The following UBN1 variants were observed in gnomAD, a reference collection of about 807,000 sequenced individuals.
UBN1 encodes the protein ubinuclein-1.
Under a neutral mutation model 108.5 loss-of-function variants are expected in UBN1, and 17 were observed. That is an observed-to-expected ratio of 0.16 (90% CI 0.11 to 0.24). The LOEUF (loss-of-function observed/expected upper bound fraction) is 0.24. Ranked by LOEUF, UBN1 falls within the 10% of genes least tolerant of loss-of-function variation. UBN1 has a pLI of 1.00. For synonymous variants in UBN1, 726 were observed against 564.2 expected, an observed-to-expected ratio of 1.29 and a Z score of -4.07; for missense variants, 1,595 against 1,394.4, an observed-to-expected ratio of 1.14 and a Z score of -2.29.
intron 7 of UBN1, among the ~76,000 whole-genome samples, chr16:4,864,075 CTTTTTTTTTTTTTT>C (rs796516323): frequency 1.2e-5 from 1 of 86,430 alleles, no homozygotes; most frequent in Non-Finnish European, 2.1e-5. Flanking sequence ...TTGTTGTTGC[CTTTTTTTTTTTTTT>C]TTTTTTTTTG....
At chr16:4,872,983 C>T in intron 13 of UBN1, 48 bp from the exon 14 acceptor site, 9 of 1,614,164 alleles carry the variant, frequency 5.6e-6, no homozygotes, top group African/African-American at 1.3e-5. Flanking sequence ...TGTTTTTGGT[C>T]TCCTCTGGAT....
chr16:4,870,851 G>A lies in UBN1; in HGVS notation c.1438G>A (p.Glu480Lys). Reference protein sequence around the residue: ...HTQAKVAKMLEEEKDKEQRDR... With the variant: ...HTQAKVAKMLKEEKDKEQRDR... ...ATTCTATTCACCCCGTAGGATGCTG[G>A]AAGAGGAGAAAGACAAGGAGCAGAG... is the stretch of plus-strand genomic sequence containing the variant. The change falls in exon 11 of 18, where the codon GAA becomes AAA. Residue 480 changes from glutamate (E) to lysine (K), a missense_variant. By Grantham distance (56) the Glu-to-Lys change is moderately conservative. Transcript: ENST00000262376. 1 of 1,613,940 alleles carries A rather than the reference G, an allele frequency of 6.2e-7. No individual in the cohort carries two copies. Among genetic ancestry groups the A allele is most frequent in the Non-Finnish European group, 8.5e-7 (1 of 1,179,918 alleles).
Position 4,877,328 on chromosome 16 carries a change from T to G in UBN1, c.3266-57T>G. On this transcript the variant is annotated intron_variant, in intron 16 of 17. Coordinates refer to ENST00000262376, the MANE Select transcript of UBN1 (RefSeq NM_001079514.3). This position sits in a 1 kb window ranked among gnomAD's most constrained non-coding sequence, Gnocchi z 4.3. ...CTTTTGGCTGCTGGAGCTGCTTTCC[T>G]GTTCCTGTCTTCAATGTGTGTGTTT... 6.4e-7 allele frequency: 1 copy of G among 1,570,722 alleles called. No homozygotes were observed. The highest frequency in any genetic ancestry group is 8.7e-7 in the Non-Finnish European group (1 of 1,154,058).
chr16:4,858,591 C>G lies in UBN1; in HGVS notation c.360C>G (p.Asp120Glu). The change falls in exon 4 of 18, where the codon GAC (aspartate) becomes GAG (glutamate). Residue 120 changes from aspartate to glutamate, a missense_variant. Asp to Glu is a conservative substitution (Grantham distance 45, BLOSUM62 2). Coordinates refer to ENST00000262376, the MANE Select transcript of UBN1 (RefSeq NM_001079514.3). ...EKYGGKKRRK[D>E]RIQDLIDMGY... ...AGGGTGGAAAGAAACGTAGAAAAGA[C>G]CGAATACAGGACTTGATCGATATGG... 6.2e-7 allele frequency: 1 copy of G among 1,614,104 alleles called. No homozygotes were observed.
rs758003504 is a variant in UBN1, at chr16:4,874,783, C to G, written c.2373C>G (p.His791Gln). Residue 791 changes from histidine to glutamine, a missense_variant, in exon 15 of 18, where the codon CAC becomes CAG. Transcript: ENST00000262376. ...AKHHSLPRTS[H>Q]GPQVAVPVPG... ...ACCACAGCTTGCCACGGACGTCTCA[C>G]GGGCCCCAAGTGGCAGTTCCTGTGC... is the stretch of plus-strand genomic sequence containing the variant. 19 of 1,614,088 alleles carry G rather than the reference C, an allele frequency of 1.2e-5. No individual in the cohort carries two copies. Among genetic ancestry groups the G allele is most frequent in the Non-Finnish European group, 1.6e-5 (19 of 1,180,028 alleles).
At chr16:4,869,369 G>C (rs1467098545) in intron 8 of UBN1, among the ~76,000 whole-genome samples, 1 of 152,234 alleles carries the variant, frequency 6.6e-6, no homozygotes, top group Non-Finnish European at 1.5e-5. Flanking sequence ...CCCTAATGCT[G>C]TTCCCACATG....
rs1349893954 is a variant in UBN1 at position 4,881,751 on chromosome 16, A to G, written c.*1619A>G. On this transcript the variant is annotated 3_prime_UTR_variant, in exon 18 of 18. Coordinates refer to ENST00000262376, the MANE Select transcript of UBN1 (RefSeq NM_001079514.3). The stretch of plus-strand genomic sequence containing the variant: ...GATTCCTTATCCCTTTGTTATATAT[A>G]TTTTTTGCAACTTGGATTTCCAGTT... The G allele has an allele frequency of 6.6e-6, 1 of 152,232 alleles. No homozygotes were observed. Among genetic ancestry groups the G allele is most frequent in the Non-Finnish European group, 1.5e-5 (1 of 68,006 alleles). 9.4% of individuals were successfully genotyped at this position (152,232 alleles called of 1,614,324 possible). A position where few individuals can be genotyped will look rare whatever the true frequency, so the allele number is the denominator to read the frequency against.
intron 7 of UBN1, among the ~76,000 whole-genome samples, chr16:4,866,341 T>A (rs988548106): frequency 6.6e-6 from 1 of 152,178 alleles, no homozygotes; most frequent in African/African-American, 2.4e-5. Flanking sequence ...TTTGCGCATT[T>A]TCTTCTGACT....
chr16:4,865,498 G>C lies in UBN1; in HGVS notation c.1111-3335G>C, dbSNP rs570837958. ...GAGTTCCAGACCAGCCTGGGTAACA[G>C]AGTGAGAAAAAAAAATCTAAAAATT... On this transcript the variant is annotated intron_variant, in intron 7 of 17. Transcript: ENST00000262376. Among the ~76,000 whole-genome samples, 3 of 152,000 alleles carry C rather than the reference G, an allele frequency of 2.0e-5. No individual in the cohort carries two copies. In the East Asian group the frequency reaches 5.8e-4, roughly 29 times the overall value.
chr16:4,874,669 A>G lies in UBN1; in HGVS notation c.2259A>G (p.Lys753=), dbSNP rs2087795858. The part of the protein sequence containing the change: ...ALALGQSSQE[K]KPESSGYKEL... The stretch of plus-strand genomic sequence containing the variant: ...CACTGGGGCAGTCCTCTCAGGAGAA[A>G]AAACCAGAGAGTTCTGGCTACAAAG... The change falls in exon 15 of 18, where the codon AAA becomes AAG. Residue 753 remains lysine, a synonymous_variant. Coordinates refer to ENST00000262376, the MANE Select transcript of UBN1 (RefSeq NM_001079514.3). 2 of 1,614,056 alleles carry G rather than the reference A, an allele frequency of 1.2e-6. No individual in the cohort carries two copies. Among genetic ancestry groups the G allele is most frequent in the African/African-American group, 2.7e-5 (2 of 74,916 alleles).
intron 15 of UBN1, among the ~76,000 whole-genome samples, chr16:4,876,116 G>A (rs990181685): frequency 2.2e-4 from 33 of 152,060 alleles, no homozygotes; most frequent in Middle Eastern, 3.4e-3. Flanking sequence ...CCGCCACCAC[G>A]CCCAGCTAAT....
At position 4,875,093 on chromosome 16, in the gene UBN1, G is replaced by A. The variant is rs1282450249; in HGVS notation, c.2683G>A (p.Ala895Thr). 6.2e-7 allele frequency: 1 copy of A among 1,614,100 alleles called. No homozygotes were observed. The highest frequency in any genetic ancestry group is 8.5e-7 in the Non-Finnish European group (1 of 1,180,050). Residue 895 changes from alanine (A) to threonine (T), a missense_variant, in exon 15 of 18, where the codon GCA becomes ACA. By Grantham distance (58) the Ala-to-Thr change is moderately conservative (BLOSUM62 0). This residue lies in a region of UBN1 where 1,398 missense variants were observed against 1,194.7 expected (regional missense o/e 1.17). Coordinates refer to ENST00000262376, the MANE Select transcript of UBN1 (RefSeq NM_001079514.3). ...HPAKPHSVSS[A>T]GSSYKNNPFA... ...AGCAAAGCCACATTCAGTCAGCTCT[G>A]CAGGCTCATCTTACAAGAATAATCC... is the stretch of plus-strand genomic sequence containing the variant.
At chr16:4,861,862 A>C (rs2087081125) in intron 7 of UBN1, among the ~76,000 whole-genome samples, 1 of 152,188 alleles carries the variant, frequency 6.6e-6, no homozygotes, top group Admixed American at 6.5e-5. Flanking sequence ...GAATCGCTTG[A>C]ACCCAGGAGG....
chr16:4,874,113 G>A (rs995855456), intron 14 of UBN1, 98 bp from the exon 15 acceptor site: 7 of 1,450,386 alleles, frequency 4.8e-6, no homozygotes, highest in Non-Finnish European at 6.4e-6. Context: ...GGAAGGCCCA[G>A]TTTTTTTGAC....
intron 10 of UBN1, 38 bp downstream of exon 10, chr16:4,870,672 G>A (rs372490939): frequency 9.6e-5 from 155 of 1,610,870 alleles, no homozygotes; most frequent in East Asian, 4.2e-4. Flanking sequence ...CAACCCTCCC[G>A]TCTTGCCTCT....
rs35865064 is a variant in UBN1 at position 4,871,576 on chromosome 16, C to CTT, written c.1706+302_1706+303dup. On this transcript the variant is annotated intron_variant, in intron 12 of 17. Coordinates refer to ENST00000262376, the MANE Select transcript of UBN1 (RefSeq NM_001079514.3). ...GCCTCCCATCTCAATATGCACTTTCCTTTTTTTTTTTTTTTTTTTTTTTTT... is the reference window on the plus strand; with the variant it reads ...GCCTCCCATCTCAATATGCACTTTCCTTTTTTTTTTTTTTTTTTTTTTTTTTT... 5.5e-3 allele frequency among the ~76,000 whole-genome samples: 488 copies of CTT among 88,406 alleles called. 65 individuals are homozygous for CTT. The highest frequency in any genetic ancestry group is 7.1e-3 in the Non-Finnish European group (340 of 47,564). The allele number at this position is 88,406 out of a possible 152,430, so 58.0% of individuals were successfully genotyped here. A position where few individuals can be genotyped will look rare whatever the true frequency, so the allele number is the denominator to read the frequency against.
chr16:4,854,256 A>G (rs1465844851), intron 2 of UBN1, among the ~76,000 whole-genome samples: 1 of 151,074 alleles, frequency 6.6e-6, no homozygotes, highest in Middle Eastern at 3.3e-3. Flanking sequence ...GGTGGTCTCG[A>G]TCTCCTGACC....
At chr16:4,863,193 T>G (rs1283030145) in intron 7 of UBN1, among the ~76,000 whole-genome samples, 5 of 152,196 alleles carry the variant, frequency 3.3e-5, no homozygotes, top group African/African-American at 1.2e-4. Flanking sequence ...GTTTTCTGCC[T>G]TTTTACGTAA....
chr16:4,872,327 G>A (rs1335943140), intron 12 of UBN1: 2 of 985,402 alleles, frequency 2.0e-6, no homozygotes, highest in Non-Finnish European at 2.4e-6. Context: ...CACCATGAGA[G>A]GTTTGAGGCA....
Sources: gnomAD v4.1 joint callset for allele counts (sites outside exome capture counted in the v4.1 genomes callset) on GRCh38, gnomAD v4.1.1 for gene constraint, gnomAD v4.1.1 regional missense constraint, Gnocchi (gnomAD v3.1) non-coding constraint, MANE v1.5 for transcripts, NCBI Gene and HGNC (gene_info 2026-07-23, HGNC 2026-07-21) for gene names.